Variants in TENM2 observed in about 807,000 individuals in gnomAD.
The protein encoded by TENM2 is teneurin transmembrane protein 2.
TENM2 carries 52 observed loss-of-function variants against 245.2 expected under a neutral mutation model. The ratio of observed to expected loss-of-function variants is 0.21; its 90% CI spans 0.17 to 0.27. The LOEUF (loss-of-function observed/expected upper bound fraction) is 0.27, where lower values mean the gene tolerates loss of function less well. Among genes scored for constraint, TENM2 ranks in the 10% least tolerant of loss-of-function variants. The pLI, the probability that TENM2 is intolerant of heterozygous loss-of-function variation, is 1.00. For missense variants in TENM2, 3,046 were observed against 3,666.8 expected, an observed-to-expected ratio of 0.83 and a Z score of 4.37; for synonymous variants, 1,363 against 1,438.9, an observed-to-expected ratio of 0.95 and a Z score of 1.19.
the TENM2 span, among the ~76,000 whole-genome samples, chr5:166,993,344 T>C: frequency 6.6e-6 from 1 of 152,260 alleles, no homozygotes; most frequent in East Asian, 1.9e-4. Flanking sequence ...ATTTGCACAG[T>C]AGCAGATTCT....
At chr5:167,702,730 T>A (rs1758248478) in intron 2 of TENM2, among the ~76,000 whole-genome samples, 1 of 152,164 alleles carries the variant, frequency 6.6e-6, no homozygotes, top group African/African-American at 2.4e-5. Context: ...AATGGTACAA[T>A]CTCGACTCAC....
chr5:168,009,798 G>GTC (rs1298768804), intron 5 of TENM2, among the ~76,000 whole-genome samples: 1 of 152,168 alleles, frequency 6.6e-6, no homozygotes, highest in Non-Finnish European at 1.5e-5. Context: ...CATCTTTCAA[G>GTC]TCTCCTTTCT....
chr5:167,376,876 A>G (rs1760783254), intron 2 of TENM2, among the ~76,000 whole-genome samples: 3 of 152,240 alleles, frequency 2.0e-5, no homozygotes, highest in Admixed American at 2.0e-4. Flanking sequence ...TGTGTCATAT[A>G]CTATTTAAAT....
intron 25 of TENM2, among the ~76,000 whole-genome samples, chr5:168,241,914 G>A (rs776091098): frequency 2.0e-5 from 3 of 152,180 alleles, no homozygotes; most frequent in Admixed American, 6.5e-5. Flanking sequence ...TCTGAAAGGA[G>A]CTTAGGGAAA....
At chr5:167,970,285 C>T (rs1312251157) in intron 4 of TENM2, among the ~76,000 whole-genome samples, 1 of 152,252 alleles carries the variant, frequency 6.6e-6, no homozygotes, top group African/African-American at 2.4e-5. Flanking sequence ...CTTTTGAGTT[C>T]ACTGTGGCCA....
At chr5:167,485,083 G>C (rs746925340) in intron 2 of TENM2, among the ~76,000 whole-genome samples, 1 of 152,154 alleles carries the variant, frequency 6.6e-6, no homozygotes, top group Non-Finnish European at 1.5e-5. Context: ...ATCTCCCGAG[G>C]GTTGAGGTCT....
intron 12 of TENM2, among the ~76,000 whole-genome samples, chr5:168,155,285 T>A (rs1391247240): frequency 2.0e-5 from 3 of 152,096 alleles, no homozygotes; most frequent in Admixed American, 2.0e-4. Flanking sequence ...GCAGACTCTA[T>A]TATTAAATAA....
At chr5:168,230,559 A>T (rs1764776312) in intron 25 of TENM2, among the ~76,000 whole-genome samples, 1 of 152,162 alleles carries the variant, frequency 6.6e-6, no homozygotes, top group Non-Finnish European at 1.5e-5. Flanking sequence ...GCAGCCCCTA[A>T]GCCGAAGGTA....
At chr5:167,349,224 G>A (rs1581804129) in intron 1 of TENM2, among the ~76,000 whole-genome samples, 2 of 152,186 alleles carry the variant, frequency 1.3e-5, no homozygotes, top group East Asian at 3.8e-4. Context: ...ACCTCACCTT[G>A]TCATGGTTGG....
chr5:167,620,019 G>GATTA (rs1385506401), intron 2 of TENM2, among the ~76,000 whole-genome samples: 13 of 152,166 alleles, frequency 8.5e-5, no homozygotes, highest in African/African-American at 3.1e-4. Flanking sequence ...AGCAAAGTGT[G>GATTA]ATTAATAATG....
the TENM2 span, among the ~76,000 whole-genome samples, chr5:167,237,835 A>T: frequency 6.6e-6 from 1 of 151,822 alleles, no homozygotes; most frequent in Non-Finnish European, 1.5e-5. Context: ...AGATGGTGAA[A>T]CCCCTTCTCT....
chr5:168,060,901 A>G (rs1239049868), intron 6 of TENM2, among the ~76,000 whole-genome samples: 1 of 152,200 alleles, frequency 6.6e-6, no homozygotes, highest in East Asian at 1.9e-4. Context: ...TCTCAGGATC[A>G]TCTGAAACCT....
chr5:167,304,195 G>T (rs774217546), intron 1 of TENM2, among the ~76,000 whole-genome samples: 1 of 152,176 alleles, frequency 6.6e-6, no homozygotes, highest in Non-Finnish European at 1.5e-5. Flanking sequence ...GATGATAAAT[G>T]CTTCTTCCCC....
At chr5:167,680,498 G>A (rs1756633194) in intron 2 of TENM2, among the ~76,000 whole-genome samples, 1 of 152,122 alleles carries the variant, frequency 6.6e-6, no homozygotes, top group Non-Finnish European at 1.5e-5. Context: ...CTAAGTTACA[G>A]TTAGGATGTT....
chr5:167,976,988 AT>A (rs1776068466), intron 4 of TENM2, among the ~76,000 whole-genome samples: 1 of 152,364 alleles, frequency 6.6e-6, no homozygotes, highest in African/African-American at 2.4e-5. Flanking sequence ...CTATGCAGCC[AT>A]AAAAAATGAG....
intron 2 of TENM2, among the ~76,000 whole-genome samples, chr5:167,425,755 C>A (rs1046563694): frequency 2.0e-5 from 3 of 152,038 alleles, no homozygotes; most frequent in East Asian, 1.9e-4. Flanking sequence ...GCTGCTGCTG[C>A]TGCTGCTGAT....
At chr5:167,661,589 A>T (rs1755211613) in intron 2 of TENM2, among the ~76,000 whole-genome samples, 1 of 152,218 alleles carries the variant, frequency 6.6e-6, no homozygotes, top group Non-Finnish European at 1.5e-5. Flanking sequence ...CATCTTATTA[A>T]TTATTCCTTT....
intron 3 of TENM2, among the ~76,000 whole-genome samples, chr5:167,944,136 C>A (rs953876038): frequency 6.6e-6 from 1 of 152,138 alleles, no homozygotes; most frequent in African/African-American, 2.4e-5. Flanking sequence ...CCTTTCTGAC[C>A]CTTCATGTGT....
chr5:167,495,237 GTTT>G (rs1212736771), intron 2 of TENM2, among the ~76,000 whole-genome samples: 11 of 76,524 alleles, frequency 1.4e-4, no homozygotes, highest in Non-Finnish European at 3.1e-4. Context: ...TTTTTGTTTT[GTTT>G]TTTGTTTTTT....
Sources: gnomAD v4.1 joint callset for allele counts (sites outside exome capture counted in the v4.1 genomes callset) on GRCh38, gnomAD v4.1.1 for gene constraint, MANE v1.5 for transcripts, NCBI Gene and HGNC (gene_info 2026-07-23, HGNC 2026-07-21) for gene names.